The following SPPL2A variants were observed in gnomAD, a reference collection of about 807,000 sequenced individuals.
SPPL2A encodes the protein signal peptide peptidase-like 2A.
SPPL2A carries 51 observed loss-of-function variants against 63.8 expected under a neutral mutation model. That is an observed-to-expected ratio of 0.80 (90% CI 0.64 to 1.01). The LOEUF (loss-of-function observed/expected upper bound fraction) is 1.01. Ranked by LOEUF, SPPL2A falls within the 50% of genes least tolerant of loss-of-function variation. SPPL2A has a pLI of 0.00. For synonymous variants in SPPL2A, 188 were observed against 205.8 expected (o/e 0.91, Z 0.74); for missense variants, 553 against 622.7 (o/e 0.89, Z 1.19).
chr15:50,762,025 C>T (rs1391784333), intron 1 of SPPL2A, among the ~76,000 whole-genome samples: 1 of 151,922 alleles, frequency 6.6e-6, no homozygotes, highest in East Asian at 1.9e-4. Flanking sequence ...AAAGTTCTGA[C>T]CATTGTGACC....
intron 11 of SPPL2A, chr15:50,725,931 A>G: frequency 2.8e-6 from 1 of 361,496 alleles, no homozygotes; most frequent in Non-Finnish European, 5.2e-6. Flanking sequence ...TACCAAGGAT[A>G]GAACTCAGGC....
intron 1 of SPPL2A, among the ~76,000 whole-genome samples, chr15:50,765,249 G>T (rs577832130): frequency 5.3e-5 from 8 of 151,688 alleles, no homozygotes; most frequent in South Asian, 2.1e-4. Context: ...GGAACCGAGT[G>T]GGGGGCGGGA....
At chr15:50,738,430 T>C (rs1422854826) in intron 6 of SPPL2A, among the ~76,000 whole-genome samples, 1 of 151,268 alleles carries the variant, frequency 6.6e-6, no homozygotes, top group African/African-American at 2.4e-5. Context: ...ACACCTGTAA[T>C]CCCAGCTACT....
rs2062654100 is a variant in SPPL2A at position 50,722,194 on chromosome 15, C to T, written c.1257G>A (p.Leu419=). The T allele has an allele frequency of 6.3e-7, 1 of 1,581,898 alleles. No individual in the cohort carries two copies. Among genetic ancestry groups the T allele is most frequent in the East Asian group, 2.2e-5 (1 of 44,698 alleles). The part of the protein sequence containing the change: ...GFGDIIVPGL[L]IAYCRRFDVQ... Reference sequence around the variant, plus strand: ...CATCAAATCTTCTACAGTATGCAATCAACAGGCCTTAAAAACAAAACAAAA... The same window carrying T: ...CATCAAATCTTCTACAGTATGCAATTAACAGGCCTTAAAAACAAAACAAAA... Residue 419 remains leucine, a synonymous_variant, in exon 13 of 15, where the codon TTG becomes TTA. Coordinates refer to ENST00000261854, the MANE Select transcript of SPPL2A (RefSeq NM_032802.4).
chr15:50,747,426 A>G lies in SPPL2A; in HGVS notation c.584+69T>C. 1.4e-5 allele frequency: 19 copies of G among 1,328,416 alleles called. 1 individual carries two copies. The highest frequency in any genetic ancestry group is 1.8e-5 in the Non-Finnish European group (17 of 941,740). The allele number at this position is 1,328,416 out of a possible 1,614,324, so 82.3% of individuals were successfully genotyped here. On this transcript the variant is annotated intron_variant, in intron 5 of 14. Transcript: ENST00000261854. ...GGCAGATAAATTTTTAAATGTTGTT[A>G]TATAATTAAAATGATTGCAGAAATT...
At chr15:50,729,206 G>A (rs2062711952) in intron 10 of SPPL2A, among the ~76,000 whole-genome samples, 1 of 152,180 alleles carries the variant, frequency 6.6e-6, no homozygotes, top group Non-Finnish European at 1.5e-5. Context: ...GCCTGCCTTG[G>A]CCTCCCAAAG....
At chr15:50,712,000 C>A (rs1380815219) in intron 14 of SPPL2A, among the ~76,000 whole-genome samples, 1 of 152,120 alleles carries the variant, frequency 6.6e-6, no homozygotes, top group Non-Finnish European at 1.5e-5. Context: ...ATAAGGGCTG[C>A]TGAAATACAA....
At chr15:50,753,857 C>T (rs1391623231) in intron 1 of SPPL2A, among the ~76,000 whole-genome samples, 2 of 151,954 alleles carry the variant, frequency 1.3e-5, no homozygotes, top group African/African-American at 2.4e-5. Flanking sequence ...AGTGCAATGG[C>T]GTGATCTCGG....
intron 1 of SPPL2A, among the ~76,000 whole-genome samples, chr15:50,761,838 A>G (rs1192285555): frequency 6.6e-6 from 1 of 152,034 alleles, no homozygotes; most frequent in Admixed American, 6.6e-5. Context: ...AGACTGAGGC[A>G]GGAGAATTGC....
intron 14 of SPPL2A, among the ~76,000 whole-genome samples, chr15:50,712,258 C>T (rs190075641): frequency 3.9e-5 from 6 of 152,264 alleles, no homozygotes; most frequent in Admixed American, 2.0e-4. Context: ...TAAAAAATTA[C>T]GGTGAAAGGT....
intron 8 of SPPL2A, 69 bp from the exon 9 acceptor site, chr15:50,732,753 C>A: frequency 1.1e-6 from 1 of 890,360 alleles, no homozygotes; most frequent in Non-Finnish European, 1.8e-6. Flanking sequence ...AGACATAGAT[C>A]ACTGAGGTAA....
chr15:50,756,018 A>G lies in SPPL2A; in HGVS notation c.67-6272T>C, dbSNP rs1159466503. Among the ~76,000 whole-genome samples the G allele has an allele frequency of 3.9e-5, 6 of 152,252 alleles. No homozygotes were observed. The East Asian group carries it at 1.2e-3, about 29-fold the overall frequency. ...ATAAAAGAACAGAACAGTGGAAACC[A>G]CAGTGCTGTGTCAATTAAGTTGGGA... On this transcript the variant is annotated intron_variant, in intron 1 of 14. Coordinates refer to ENST00000261854, the MANE Select transcript of SPPL2A (RefSeq NM_032802.4).
intron 1 of SPPL2A, among the ~76,000 whole-genome samples, chr15:50,753,389 T>C (rs1032156003): frequency 5.3e-5 from 8 of 152,216 alleles, no homozygotes; most frequent in African/African-American, 1.9e-4. Context: ...AATATCTTAG[T>C]AAAATTTCTC....
chr15:50,754,166 A>G (rs182208311), intron 1 of SPPL2A, among the ~76,000 whole-genome samples: 1 of 152,320 alleles, frequency 6.6e-6, no homozygotes, highest in Admixed American at 6.5e-5. Context: ...CAGAGAATAC[A>G]GAGTTTTGAC....
Position 50,706,806 on chromosome 15 carries a change from T to C in SPPL2A, c.*994A>G, listed in dbSNP as rs1341376762. On this transcript the variant is annotated 3_prime_UTR_variant, in exon 15 of 15. Transcript: ENST00000261854. ...TTAGTACTGAAATTTAAGCTACATT[T>C]AAAAAAAAAAGGCTGTCAAACCAAT... 1.3e-5 allele frequency: 2 copies of C among 148,578 alleles called. No individual in the cohort carries two copies. Among genetic ancestry groups the C allele is most frequent in the African/African-American group, 4.9e-5 (2 of 40,520 alleles). 9.2% of individuals were successfully genotyped at this position (148,578 alleles called of 1,614,324 possible).
At chr15:50,732,915 A>T (rs1189615389) in intron 8 of SPPL2A, among the ~76,000 whole-genome samples, 1 of 152,004 alleles carries the variant, frequency 6.6e-6, no homozygotes, top group Non-Finnish European at 1.5e-5. Context: ...CAGCTTCCCA[A>T]GTAGCTGGGA....
intron 8 of SPPL2A, among the ~76,000 whole-genome samples, chr15:50,734,705 A>G (rs2062756767): frequency 6.6e-6 from 1 of 152,228 alleles, no homozygotes; most frequent in Non-Finnish European, 1.5e-5. Context: ...AAGAAATGAC[A>G]AAGGCTTGAG....
chr15:50,727,615 C>T (rs17646025), intron 10 of SPPL2A, among the ~76,000 whole-genome samples: 24,468 of 152,024 alleles, frequency 0.16, 2,528 homozygotes, highest in East Asian at 0.44. Context: ...CAGTGGTGGA[C>T]GGAAAAAAAT....
chr15:50,731,776 A>C (rs971247547), intron 9 of SPPL2A, among the ~76,000 whole-genome samples: 2 of 151,122 alleles, frequency 1.3e-5, no homozygotes, highest in Non-Finnish European at 2.9e-5. Context: ...AAAAATACAA[A>C]AATTAGCAGG....
Sources: gnomAD v4.1 joint callset for allele counts (sites outside exome capture counted in the v4.1 genomes callset) on GRCh38, gnomAD v4.1.1 for gene constraint, MANE v1.5 for transcripts, NCBI Gene and HGNC (gene_info 2026-07-23, HGNC 2026-07-21) for gene names.